STARD6: variants seen among roughly 807,000 people sequenced by gnomAD.
STARD6 encodes the protein stAR-related lipid transfer protein 6.
Under a neutral mutation model 22.3 loss-of-function variants are expected in STARD6, and 21 were observed. The ratio of observed to expected loss-of-function variants is 0.94; its 90% CI spans 0.67 to 1.35. The LOEUF (loss-of-function observed/expected upper bound fraction) is 1.35. STARD6 is among the 40% of genes most tolerant of loss of function. STARD6 has a pLI of 0.00. For synonymous variants in STARD6, 80 were observed against 88.1 expected, an observed-to-expected ratio of 0.91 and a Z score of 0.52; for missense variants, 269 against 266.9, an observed-to-expected ratio of 1.01 and a Z score of -0.05.
intron 4 of STARD6, among the ~76,000 whole-genome samples, chr18:54,338,905 G>C (rs568438278): frequency 6.6e-6 from 1 of 151,852 alleles, no homozygotes; most frequent in African/African-American, 2.4e-5. Context: ...AGAATTAGCT[G>C]GGCGTGGTGG....
chr18:54,331,286 A>G (rs2088862446), intron 6 of STARD6, among the ~76,000 whole-genome samples: 1 of 152,148 alleles, frequency 6.6e-6, no homozygotes, highest in Non-Finnish European at 1.5e-5. Context: ...GAGTGGGGAT[A>G]GGGATACATC....
chr18:54,330,997 G>A (rs1207154593), intron 6 of STARD6, among the ~76,000 whole-genome samples: 1 of 152,080 alleles, frequency 6.6e-6, no homozygotes, highest in African/African-American at 2.4e-5. Flanking sequence ...ACTCTGAAAT[G>A]TAGAGTACTA....
chr18:54,341,624 T>C (rs1218677703), intron 4 of STARD6, among the ~76,000 whole-genome samples: 3 of 152,182 alleles, frequency 2.0e-5, no homozygotes, highest in Non-Finnish European at 2.9e-5. Flanking sequence ...ATTTGGGAAA[T>C]TCCCAAATAT....
chr18:54,333,751 T>TA (rs1350336710), intron 5 of STARD6, among the ~76,000 whole-genome samples: 3 of 152,204 alleles, frequency 2.0e-5, no homozygotes, highest in Admixed American at 6.5e-5. Flanking sequence ...TAAAAGTAGG[T>TA]AAAATTACAG....
In STARD6 at chr18:54,354,480, T is replaced by A. The variant is rs1478601906; in HGVS notation, c.90+4A>T. The A allele has an allele frequency of 1.9e-5, 30 of 1,600,742 alleles. No homozygotes were observed. The highest frequency in any genetic ancestry group is 2.5e-5 in the Non-Finnish European group (29 of 1,171,796). ...TTGAAACATAATTTAACTTATTTTCTTACTGAAGTTTTAACCACTTTCCAG... is the reference window on the plus strand; with the variant it reads ...TTGAAACATAATTTAACTTATTTTCATACTGAAGTTTTAACCACTTTCCAG... On this transcript the variant is annotated splice_donor_region_variant and intron_variant, in intron 3 of 7. Transcript: ENST00000307844.
At chr18:54,341,840 C>T (rs1599304300) in intron 4 of STARD6, among the ~76,000 whole-genome samples, 1 of 152,018 alleles carries the variant, frequency 6.6e-6, no homozygotes, top group African/African-American at 2.4e-5. Context: ...AATCAATAAC[C>T]TAGCCTTTAA....
chr18:54,343,309 C>G (rs1331528576), intron 4 of STARD6, among the ~76,000 whole-genome samples: 1 of 132,724 alleles, frequency 7.5e-6, no homozygotes, highest in East Asian at 2.2e-4. Context: ...GCCCAGCAGC[C>G]ACCCCATCTG....
chr18:54,325,397 T>A (rs2144661312), intron 7 of STARD6, among the ~76,000 whole-genome samples: 1 of 152,326 alleles, frequency 6.6e-6, no homozygotes, highest in African/African-American at 2.4e-5. Flanking sequence ...CTTCTGTGTC[T>A]GTACATACAA....
chr18:54,328,237 T>A (rs1290264960), intron 7 of STARD6, among the ~76,000 whole-genome samples: 2 of 152,196 alleles, frequency 1.3e-5, no homozygotes, highest in Non-Finnish European at 2.9e-5. Flanking sequence ...TTTATTTGTG[T>A]TTACAATGGC....
chr18:54,349,299 A>T (rs1319516643), intron 4 of STARD6, among the ~76,000 whole-genome samples: 2 of 152,150 alleles, frequency 1.3e-5, no homozygotes, highest in African/African-American at 4.8e-5. Context: ...TAAAAATGAC[A>T]TTAGCCTTGG....
chr18:54,324,574 C>T lies in STARD6; in HGVS notation c.*118G>A. ...TATGAACTATCTTCAGCCATGTGTA[C>T]AAGAATACTGTCTAGAATAGTTTAA... On this transcript the variant is annotated 3_prime_UTR_variant, in exon 8 of 8. Coordinates refer to ENST00000307844, the MANE Select transcript of STARD6 (RefSeq NM_139171.2). 1.1e-6 allele frequency: 1 copy of T among 932,426 alleles called. No individual in the cohort carries two copies. Among genetic ancestry groups the T allele is most frequent in the Non-Finnish European group, 1.5e-6 (1 of 647,148 alleles). The allele number at this position is 932,426 out of a possible 1,614,324, so 57.8% of individuals were successfully genotyped here.
At chr18:54,336,839 C>T (rs1467329589) in intron 5 of STARD6, among the ~76,000 whole-genome samples, 1 of 152,152 alleles carries the variant, frequency 6.6e-6, no homozygotes, top group Non-Finnish European at 1.5e-5. Flanking sequence ...CTTTGTTTTC[C>T]ATGTAATGGA....
At chr18:54,348,257 C>T (rs2089057296) in intron 4 of STARD6, among the ~76,000 whole-genome samples, 2 of 152,226 alleles carry the variant, frequency 1.3e-5, no homozygotes, top group Admixed American at 6.5e-5. Flanking sequence ...TCTCACATGT[C>T]TGCCTCAGAA....
At chr18:54,331,891 CG>C in intron 5 of STARD6, 32 bp from the exon 6 acceptor site, 1 of 1,417,890 alleles carries the variant, frequency 7.1e-7, no homozygotes, top group Non-Finnish European at 9.9e-7. Context: ...AGATAACAAA[CG>C]TTACTTAATA....
At chr18:54,339,839 T>C (rs1182204227) in intron 4 of STARD6, among the ~76,000 whole-genome samples, 6 of 152,180 alleles carry the variant, frequency 3.9e-5, no homozygotes, top group Non-Finnish European at 5.9e-5. Context: ...TATAATTACA[T>C]ATTTCTTCCC....
intron 5 of STARD6, among the ~76,000 whole-genome samples, chr18:54,334,486 C>A (rs991178302): frequency 6.6e-6 from 1 of 152,048 alleles, no homozygotes; most frequent in Non-Finnish European, 1.5e-5. Context: ...CCCAGCCTAA[C>A]CTCTCACCTC....
intron 4 of STARD6, among the ~76,000 whole-genome samples, chr18:54,346,657 T>C (rs1191960094): frequency 6.6e-6 from 1 of 152,074 alleles, no homozygotes; most frequent in African/African-American, 2.4e-5. Flanking sequence ...AGAAACTAAG[T>C]ATATATTAAC....
At chr18:54,336,795 T>C (rs763103350) in intron 5 of STARD6, among the ~76,000 whole-genome samples, 7 of 152,186 alleles carry the variant, frequency 4.6e-5, no homozygotes, top group African/African-American at 7.2e-5. Flanking sequence ...CTAAAATAAG[T>C]CTACAGACTT....
intron 3 of STARD6, 43 bp from the exon 4 acceptor site, chr18:54,354,146 G>T: frequency 1.6e-6 from 2 of 1,284,684 alleles, no homozygotes; most frequent in Non-Finnish European, 2.2e-6. Flanking sequence ...GCTGTCAAAT[G>T]CAGGAAAAAT....
Sources: allele counts gnomAD v4.1 joint callset (sites outside exome capture counted in the v4.1 genomes callset), GRCh38; gene constraint gnomAD v4.1.1; transcripts MANE v1.5; gene names NCBI Gene and HGNC (gene_info 2026-07-23, HGNC 2026-07-21).